Variants in ASIC4 observed in about 807,000 individuals in gnomAD.
ASIC4 encodes the protein acid-sensing ion channel 4.
In ASIC4, 28 loss-of-function variants were observed where a neutral mutation model predicts 53.4. The observed-to-expected ratio is 0.52, with a 90% CI of 0.39 to 0.72. The LOEUF (loss-of-function observed/expected upper bound fraction) is 0.72. ASIC4 is among the 30% of genes least tolerant of loss of function. The pLI is 0.00. For synonymous variants in ASIC4, 289 were observed against 301.4 expected (o/e 0.96, Z 0.43); for missense variants, 649 against 729.7 (o/e 0.89, Z 1.27).
chr2:219,535,343 G>A lies in ASIC4; in HGVS notation c.1229+19G>A. The A allele has an allele frequency of 6.5e-7, 1 of 1,543,748 alleles. No homozygotes were observed. The highest frequency in any genetic ancestry group is 8.7e-7 in the Non-Finnish European group (1 of 1,145,684). On this transcript the variant is annotated intron_variant, in intron 6 of 9. Coordinates refer to ENST00000358078, the MANE Select transcript of ASIC4 (RefSeq NM_018674.6). The stretch of plus-strand genomic sequence containing the variant: ...ACATACGGTATGTGTGTGTGTGTGT[G>A]GGGGGTGGCTGTGTGACTCTGTGTG...
intron 1 of ASIC4, among the ~76,000 whole-genome samples, chr2:219,523,824 CTTT>C (rs35642288): frequency 2.1e-5 from 3 of 146,084 alleles, no homozygotes; most frequent in East Asian, 2.0e-4. Flanking sequence ...CCCATAAGCA[CTTT>C]TTTTTTTTTT....
intron 1 of ASIC4, among the ~76,000 whole-genome samples, chr2:219,529,440 G>T (rs1470059113): frequency 6.6e-6 from 1 of 152,172 alleles, no homozygotes; most frequent in Non-Finnish European, 1.5e-5. Context: ...AAGAAAGGGT[G>T]AGGAAGGTAC....
At chr2:219,533,320 C>T in intron 5 of ASIC4, 1 of 331,676 alleles carries the variant, frequency 3.0e-6, no homozygotes, top group South Asian at 3.7e-5. Flanking sequence ...GTCCACAGAT[C>T]TTGCCTGATC....
At chr2:219,529,292 T>C (rs1460367645) in intron 1 of ASIC4, among the ~76,000 whole-genome samples, 1 of 152,090 alleles carries the variant, frequency 6.6e-6, no homozygotes, top group Non-Finnish European at 1.5e-5. Flanking sequence ...GATGGATACA[T>C]AGCAGGGAGG....
chr2:219,519,286 G>A (rs958743471), intron 1 of ASIC4, among the ~76,000 whole-genome samples: 3 of 152,234 alleles, frequency 2.0e-5, no homozygotes, highest in East Asian at 1.9e-4. Context: ...CGTATACTCT[G>A]TGTAAGCGTC....
upstream of ASIC4, among the ~76,000 whole-genome samples, chr2:219,512,040 A>G (rs892722754): frequency 2.0e-5 from 3 of 151,806 alleles, no homozygotes; most frequent in African/African-American, 7.3e-5. Flanking sequence ...GAACATCACC[A>G]GATTCCTGGA....
chr2:219,514,081 G>A, upstream of ASIC4: 1 of 502,320 alleles, frequency 2.0e-6, no homozygotes, highest in Non-Finnish European at 3.5e-6. Context: ...CCTTCATGGG[G>A]TGTGGGCCAG....
chr2:219,519,930 C>A (rs1451784875), intron 1 of ASIC4, among the ~76,000 whole-genome samples: 1 of 152,072 alleles, frequency 6.6e-6, no homozygotes, highest in Non-Finnish European at 1.5e-5. Flanking sequence ...GGAGACACCA[C>A]GTGAGCAAAG....
At position 219,537,418 on chromosome 2, in the gene ASIC4, G is replaced by C. The variant is rs961051045; in HGVS notation, c.1401+97G>C. 4 of 1,410,858 alleles carry C rather than the reference G, an allele frequency of 2.8e-6. No individual in the cohort carries two copies. The Admixed American group carries it at 5.9e-5, about 21-fold the overall frequency. The allele number at this position is 1,410,858 out of a possible 1,614,324, so 87.4% of individuals were successfully genotyped here. ...CTGGTGGAGCTGGCCTGGCTGGAAA[G>C]TCAGGTTCAGGGTTCTCTGCCAGGG... On this transcript the variant is annotated intron_variant, in intron 8 of 9. Coordinates refer to ENST00000358078, the MANE Select transcript of ASIC4 (RefSeq NM_018674.6). This position sits in a 1 kb window ranked among gnomAD's most constrained non-coding sequence, Gnocchi z 4.9.
chr2:219,512,199 C>T (rs1355853882), upstream of ASIC4, among the ~76,000 whole-genome samples: 1 of 152,106 alleles, frequency 6.6e-6, no homozygotes, highest in Non-Finnish European at 1.5e-5. Flanking sequence ...GCCCCTTATA[C>T]CCAGTTACCA....
Position 219,532,455 on chromosome 2 carries a change from C to G in ASIC4, c.996C>G (p.His332Gln), listed in dbSNP as rs773313030. Reference sequence around the variant, plus strand: ...AGGAGGCCGTGCTTCAGCGCTGCCACTGCCGGATGGTGCACATGCCAGGTG... The same window carrying G: ...AGGAGGCCGTGCTTCAGCGCTGCCAGTGCCGGATGGTGCACATGCCAGGTG... ...CEKEAVLQRC[H>Q]CRMVHMPGNE... Residue 332 changes from histidine (H) to glutamine (Q), a missense_variant, in exon 4 of 10, where the codon CAC (histidine) becomes CAG (glutamine). Transcript: ENST00000358078. 6.2e-6 allele frequency: 10 copies of G among 1,613,210 alleles called. No individual in the cohort carries two copies. In the African/African-American group the frequency reaches 1.2e-4, roughly 19 times the overall value.
At chr2:219,524,107 G>A (rs537394683) in intron 1 of ASIC4, among the ~76,000 whole-genome samples, 9 of 152,320 alleles carry the variant, frequency 5.9e-5, no homozygotes, top group African/African-American at 2.2e-4. Context: ...ACAAGTGTGA[G>A]CCACCGTGCC....
chr2:219,538,049 C>A lies in ASIC4; in HGVS notation c.*3C>A. On this transcript the variant is annotated 3_prime_UTR_variant, in exon 10 of 10. Coordinates refer to ENST00000358078, the MANE Select transcript of ASIC4 (RefSeq NM_018674.6). ...TCTTTGAAGATTTTGCTTGCTAGGA[C>A]GGTGCTGTGACTGAAAGGACCCAGG... 1 of 1,609,858 alleles carries A rather than the reference C, an allele frequency of 6.2e-7. No individual in the cohort carries two copies.
At chr2:219,520,040 G>C (rs1464256506) in intron 1 of ASIC4, among the ~76,000 whole-genome samples, 1 of 152,028 alleles carries the variant, frequency 6.6e-6, no homozygotes, top group Admixed American at 6.5e-5. Flanking sequence ...AGGAGGCATG[G>C]GTAGGAGCCA....
At position 219,514,724 on chromosome 2, in the gene ASIC4, G is replaced by C. The variant is rs866250624; in HGVS notation, c.-1G>C. On this transcript the variant is annotated 5_prime_UTR_variant, in exon 1 of 10. Transcript: ENST00000358078. The stretch of plus-strand genomic sequence containing the variant: ...TGGCCAGTCCCAGCAGCCGGGGACA[G>C]ATGCCGATCGAGATTGTGTGCAAAA... The C allele has an allele frequency of 1.2e-6, 2 of 1,613,680 alleles. No individual in the cohort carries two copies. Among genetic ancestry groups the C allele is most frequent in the Middle Eastern group, 1.6e-4 (1 of 6,062 alleles).
rs754146267 is a variant in ASIC4 at position 219,514,920 on chromosome 2, C to T, written c.196C>T (p.Arg66Cys). Residue 66 changes from arginine (R) to cysteine (C), a missense_variant, in exon 1 of 10, where the codon CGC becomes TGC. Physicochemically the swap from Arg to Cys is radical, Grantham distance 180. Transcript: ENST00000358078. ...RACGPGPHGL[R>C]RTLWALALLT... ...CTGTGGCCCAGGCCCCCACGGACTG[C>T]GCAGAACCCTGTGGGCACTGGCCCT... is the stretch of plus-strand genomic sequence containing the variant. 2.0e-5 allele frequency: 33 copies of T among 1,612,872 alleles called. No individual in the cohort carries two copies. The highest frequency in any genetic ancestry group is 1.1e-4 in the East Asian group (5 of 44,842).
At chr2:219,513,180 C>G (rs565060909), upstream of ASIC4, among the ~76,000 whole-genome samples, 1 of 152,166 alleles carries the variant, frequency 6.6e-6, no homozygotes, top group Non-Finnish European at 1.5e-5. Context: ...GCCACCTCCC[C>G]CCGCCCGTCC....
intron 6 of ASIC4, 85 bp downstream of exon 6, chr2:219,535,409 G>A (rs866848955): frequency 7.2e-6 from 10 of 1,388,930 alleles, no homozygotes; most frequent in Middle Eastern, 2.6e-4. Context: ...CTGTGTGTAC[G>A]TGTGTGTGAG....
chr2:219,535,397 CTCTG>C, intron 6 of ASIC4, 73 bp downstream of exon 6: 1 of 1,453,324 alleles, frequency 6.9e-7, no homozygotes, highest in Non-Finnish European at 9.2e-7. Context: ...GGCTGTGTGA[CTCTG>C]TGTGTACGTG....
Sources: allele counts gnomAD v4.1 joint callset (sites outside exome capture counted in the v4.1 genomes callset), GRCh38; gene constraint gnomAD v4.1.1; non-coding constraint Gnocchi (gnomAD v3.1); transcripts MANE v1.5; gene names NCBI Gene and HGNC (gene_info 2026-07-23, HGNC 2026-07-21).